Variants in TMEM181 observed in about 807,000 individuals in gnomAD.
The protein encoded by TMEM181 is transmembrane protein 181.
Under a neutral mutation model 71.9 loss-of-function variants are expected in TMEM181, and 39 were observed. That is an observed-to-expected ratio of 0.54 (90% confidence interval 0.42 to 0.71). The LOEUF (loss-of-function observed/expected upper bound fraction) is 0.71. Among genes scored for constraint, TMEM181 ranks in the 30% least tolerant of loss-of-function variants. The pLI is 0.00. For synonymous variants in TMEM181, 245 were observed against 228.8 expected (o/e 1.07, Z -0.64); for missense variants, 595 against 583.0 (o/e 1.02, Z -0.21).
intron 10 of TMEM181, among the ~76,000 whole-genome samples, chr6:158,615,355 T>C (rs943616845): frequency 3.3e-5 from 5 of 152,358 alleles, no homozygotes; most frequent in African/African-American, 9.6e-5. Flanking sequence ...TTCTTGTAAA[T>C]TTAAGTTCTT....
At chr6:158,569,090 C>A (rs993554643) in intron 1 of TMEM181, among the ~76,000 whole-genome samples, 1 of 152,228 alleles carries the variant, frequency 6.6e-6, no homozygotes, top group African/African-American at 2.4e-5. Context: ...ATCCTCCCCC[C>A]TCAGCCTCCA....
At chr6:158,550,671 A>AT (rs1554301015) in intron 1 of TMEM181, among the ~76,000 whole-genome samples, 8 of 152,060 alleles carry the variant, frequency 5.3e-5, no homozygotes, top group Non-Finnish European at 1.0e-4. Context: ...AAGAAAAAAA[A>AT]ATACGTAGTT....
intron 1 of TMEM181, among the ~76,000 whole-genome samples, chr6:158,551,442 A>AT (rs1031079923): frequency 6.6e-6 from 1 of 152,222 alleles, no homozygotes; most frequent in Non-Finnish European, 1.5e-5. Flanking sequence ...ATTTTGGAGT[A>AT]TAGCTAATTG....
At chr6:158,584,071 T>C (rs1245756035) in intron 4 of TMEM181, 27 bp downstream of exon 4, 10 of 1,558,802 alleles carry the variant, frequency 6.4e-6, no homozygotes, top group Non-Finnish European at 8.7e-6. Flanking sequence ...TTTGGAATGA[T>C]TTTTCATTAT....
chr6:158,609,905 C>T (rs971339864), intron 10 of TMEM181: 1 of 234,264 alleles, frequency 4.3e-6, no homozygotes, highest in Non-Finnish European at 9.4e-6. Flanking sequence ...TGGGATCTGC[C>T]TCAGCACTTC....
intron 12 of TMEM181, 78 bp from the exon 13 acceptor site, chr6:158,625,625 T>G (rs970939308): frequency 1.1e-5 from 14 of 1,327,046 alleles, no homozygotes; most frequent in Non-Finnish European, 1.5e-5. Flanking sequence ...TTTGCTTAAT[T>G]TTTGTTTTTT....
chr6:158,621,427 A>C, intron 10 of TMEM181: 1 of 221,504 alleles, frequency 4.5e-6, no homozygotes. Flanking sequence ...GATGAGCCCC[A>C]GGATAACCTC....
At chr6:158,618,231 A>G (rs1308269642) in intron 10 of TMEM181, among the ~76,000 whole-genome samples, 1 of 152,200 alleles carries the variant, frequency 6.6e-6, no homozygotes, top group Non-Finnish European at 1.5e-5. Flanking sequence ...ACCATTATGT[A>G]ATGGCCTTCT....
At chr6:158,561,249 T>A (rs141149547) in intron 1 of TMEM181, among the ~76,000 whole-genome samples, 197 of 152,362 alleles carry the variant, frequency 1.3e-3, no homozygotes, top group African/African-American at 4.4e-3. Flanking sequence ...GAGATCTGTT[T>A]TTCCTTCTGC....
At chr6:158,561,684 CAAGGA>C (rs1261904705) in intron 1 of TMEM181, among the ~76,000 whole-genome samples, 1 of 152,114 alleles carries the variant, frequency 6.6e-6, no homozygotes, top group African/African-American at 2.4e-5. Flanking sequence ...AGCAGTTGAC[CAAGGA>C]AAGGTCCCGA....
At chr6:158,547,273 C>A (rs1781557177) in intron 1 of TMEM181, among the ~76,000 whole-genome samples, 1 of 152,154 alleles carries the variant, frequency 6.6e-6, no homozygotes, top group African/African-American at 2.4e-5. Flanking sequence ...CAGAGTGAGA[C>A]CCTGTCTCTA....
intron 2 of TMEM181, among the ~76,000 whole-genome samples, chr6:158,574,762 CCTGT>C (rs958051658): frequency 2.0e-5 from 3 of 152,126 alleles, no homozygotes; most frequent in East Asian, 1.9e-4. Flanking sequence ...GCCTGTCTAT[CCTGT>C]CTGTCTGTCT....
intron 6 of TMEM181, 136 bp from the exon 7 acceptor site, chr6:158,605,131 A>AAAG: frequency 6.3e-6 from 1 of 159,686 alleles, no homozygotes; most frequent in South Asian, 7.5e-5. Context: ...AAAAAAAAAA[A>AAAG]GTGTGTGTGT....
intron 5 of TMEM181, among the ~76,000 whole-genome samples, chr6:158,589,405 C>G (rs1167692396): frequency 6.6e-6 from 1 of 152,190 alleles, no homozygotes; most frequent in Non-Finnish European, 1.5e-5. Flanking sequence ...TGTTAACTTT[C>G]TTACACGGTG....
intron 1 of TMEM181, among the ~76,000 whole-genome samples, chr6:158,547,718 C>G (rs1272911060): frequency 6.6e-6 from 1 of 151,904 alleles, no homozygotes; most frequent in Non-Finnish European, 1.5e-5. Flanking sequence ...GCCCCCCAGG[C>G]CCCCTTGGTC....
upstream of TMEM181, chr6:158,560,038 C>T (rs1469398511): frequency 3.0e-6 from 3 of 985,160 alleles, no homozygotes; most frequent in Middle Eastern, 5.2e-4. Context: ...GCCGCGCCCT[C>T]TTCCGCCGTG....
intron 6 of TMEM181, among the ~76,000 whole-genome samples, chr6:158,600,402 G>A (rs1242829734): frequency 1.3e-5 from 2 of 150,860 alleles, no homozygotes; most frequent in Admixed American, 6.6e-5. Flanking sequence ...CACCCGCATC[G>A]GCCTCCCGAA....
At chr6:158,549,387 C>T (rs1781648285) in intron 1 of TMEM181, among the ~76,000 whole-genome samples, 1 of 152,098 alleles carries the variant, frequency 6.6e-6, no homozygotes, top group Non-Finnish European at 1.5e-5. Flanking sequence ...GTACTGGGAT[C>T]ACAGGTGTGA....
chr6:158,613,644 C>T (rs563833204), intron 10 of TMEM181, among the ~76,000 whole-genome samples: 195 of 152,234 alleles, frequency 1.3e-3, no homozygotes, highest in African/African-American at 4.6e-3. Flanking sequence ...AAGTCAAGTT[C>T]GATTCCTTAA....
Sources: gnomAD v4.1 joint callset for allele counts (sites outside exome capture counted in the v4.1 genomes callset) on GRCh38, gnomAD v4.1.1 for gene constraint, MANE v1.5 for transcripts, NCBI Gene and HGNC (gene_info 2026-07-23, HGNC 2026-07-21) for gene names.